GRIK2: variants seen among roughly 807,000 people sequenced by gnomAD.
GRIK2 encodes glutamate ionotropic receptor kainate type subunit 2.
Under a neutral mutation model 100.3 loss-of-function variants are expected in GRIK2, and 32 were observed. The observed-to-expected ratio is 0.32, with a 90% confidence interval of 0.24 to 0.43. The LOEUF is 0.43. Among genes scored for constraint, GRIK2 ranks in the 20% least tolerant of loss-of-function variants. GRIK2 has a pLI of 1.00. For missense variants in GRIK2, 843 were observed against 1,114.9 expected, an observed-to-expected ratio of 0.76 and a Z score of 3.47; for synonymous variants, 417 against 389.4, an observed-to-expected ratio of 1.07 and a Z score of -0.83.
chr6:101,830,410 A>G (rs978731058), intron 10 of GRIK2, among the ~76,000 whole-genome samples: 7 of 152,060 alleles, frequency 4.6e-5, no homozygotes, highest in African/African-American at 1.7e-4. Context: ...AAAACCAAAA[A>G]TTGACAAGTG....
At chr6:101,916,195 T>G (rs1789092219) in intron 12 of GRIK2, among the ~76,000 whole-genome samples, 1 of 151,522 alleles carries the variant, frequency 6.6e-6, no homozygotes. Context: ...TTTATATTAT[T>G]AGGCTTGATA....
At chr6:101,672,847 C>A (rs1450502481) in intron 4 of GRIK2, among the ~76,000 whole-genome samples, 1 of 152,158 alleles carries the variant, frequency 6.6e-6, no homozygotes, top group Non-Finnish European at 1.5e-5. Context: ...AGGTTGATTT[C>A]ACATCTTTAC....
chr6:101,795,206 A>C (rs1310900176), intron 7 of GRIK2, among the ~76,000 whole-genome samples: 2 of 152,044 alleles, frequency 1.3e-5, no homozygotes, highest in African/African-American at 4.8e-5. Flanking sequence ...TCATAAGGGA[A>C]AATTTTTCCT....
intron 7 of GRIK2, among the ~76,000 whole-genome samples, chr6:101,782,520 C>G (rs756786831): frequency 6.6e-6 from 1 of 152,200 alleles, no homozygotes; most frequent in Non-Finnish European, 1.5e-5. Flanking sequence ...ATCCATGTTG[C>G]TGCAAATGAC....
intron 7 of GRIK2, among the ~76,000 whole-genome samples, chr6:101,729,771 G>T (rs1187462664): frequency 6.6e-6 from 1 of 151,822 alleles, no homozygotes; most frequent in African/African-American, 2.4e-5. Flanking sequence ...GTTTTGATGT[G>T]ATGATATGTC....
chr6:102,037,918 T>C (rs1402277773), intron 15 of GRIK2, among the ~76,000 whole-genome samples: 1 of 151,378 alleles, frequency 6.6e-6, no homozygotes, highest in Non-Finnish European at 1.5e-5. Flanking sequence ...TTTTGAAATA[T>C]GTTTTTTCCT....
At chr6:101,522,419 C>G (rs567346779) in intron 2 of GRIK2, among the ~76,000 whole-genome samples, 2 of 152,268 alleles carry the variant, frequency 1.3e-5, no homozygotes, top group East Asian at 3.9e-4. Flanking sequence ...CTCATTCACA[C>G]AAGCCTATCG....
chr6:101,846,562 A>G (rs188909263), intron 10 of GRIK2, among the ~76,000 whole-genome samples: 1 of 152,066 alleles, frequency 6.6e-6, no homozygotes, highest in East Asian at 1.9e-4. Context: ...CTCCTGTTTT[A>G]TTATTTGGAA....
intron 4 of GRIK2, among the ~76,000 whole-genome samples, chr6:101,641,561 G>A (rs77278478): frequency 2.3e-3 from 346 of 151,838 alleles, no homozygotes; most frequent in African/African-American, 7.8e-3. Flanking sequence ...ATCATCAGAT[G>A]CCATTAGAAA....
At chr6:101,826,336 G>T (rs1228527417) in intron 10 of GRIK2, among the ~76,000 whole-genome samples, 1 of 152,036 alleles carries the variant, frequency 6.6e-6, no homozygotes, top group Non-Finnish European at 1.5e-5. Flanking sequence ...GGTTTCTTGG[G>T]AATGCATTAG....
At chr6:101,683,918 ACAAC>A (rs1771481462) in intron 6 of GRIK2, among the ~76,000 whole-genome samples, 2 of 152,144 alleles carry the variant, frequency 1.3e-5, no homozygotes. Context: ...CATTCCCATA[ACAAC>A]CAGTCTAACC....
chr6:101,833,524 T>G (rs910247797), intron 10 of GRIK2, among the ~76,000 whole-genome samples: 1 of 152,140 alleles, frequency 6.6e-6, no homozygotes, highest in Non-Finnish European at 1.5e-5. Context: ...AACAGCATTT[T>G]CTTTTATTAT....
chr6:101,725,461 C>A (rs1774794635), intron 7 of GRIK2, among the ~76,000 whole-genome samples: 1 of 151,960 alleles, frequency 6.6e-6, no homozygotes, highest in Non-Finnish European at 1.5e-5. Context: ...TAGGAAATTT[C>A]TCAGGAAACG....
At chr6:101,431,073 G>T (rs942565983) in intron 2 of GRIK2, 21 of 256,934 alleles carry the variant, frequency 8.2e-5, no homozygotes, top group Non-Finnish European at 1.4e-4. Flanking sequence ...ATGGCAGGGG[G>T]TATCCAAGGT....
intron 7 of GRIK2, among the ~76,000 whole-genome samples, chr6:101,693,728 T>C (rs1343210013): frequency 1.3e-5 from 2 of 151,840 alleles, no homozygotes; most frequent in Non-Finnish European, 2.9e-5. Flanking sequence ...TATATAAAAA[T>C]AAAAAATTAT....
At chr6:102,043,333 T>A (rs530913302) in intron 15 of GRIK2, among the ~76,000 whole-genome samples, 1 of 151,936 alleles carries the variant, frequency 6.6e-6, no homozygotes, top group Non-Finnish European at 1.5e-5. Flanking sequence ...AGTACACTGT[T>A]ACTAATTATA....
At chr6:101,616,685 T>G (rs1779908988) in intron 2 of GRIK2, among the ~76,000 whole-genome samples, 2 of 151,674 alleles carry the variant, frequency 1.3e-5, no homozygotes, top group Admixed American at 6.6e-5. Context: ...TGCTTTCAAG[T>G]GTGTGATATT....
intron 14 of GRIK2, among the ~76,000 whole-genome samples, chr6:102,000,282 T>TTTTTTTTTTTTTTTTTTTTTTTG (rs1794869109): frequency 6.6e-6 from 1 of 150,998 alleles, no homozygotes; most frequent in Non-Finnish European, 1.5e-5. Flanking sequence ...AAGGCTTTTT[T>TTTTTTTTTTTTTTTTTTTTTTTG]TTTTTTTTTT....
chr6:102,028,837 G>A (rs1426809459), intron 14 of GRIK2, among the ~76,000 whole-genome samples: 1 of 150,186 alleles, frequency 6.7e-6, no homozygotes, highest in Non-Finnish European at 1.5e-5. Context: ...TTTTTTTTAA[G>A]GCAAGGAGCT....
Sources: allele counts gnomAD v4.1 joint callset (sites outside exome capture counted in the v4.1 genomes callset), GRCh38; gene constraint gnomAD v4.1.1; transcripts MANE v1.5; gene names NCBI Gene and HGNC (gene_info 2026-07-23, HGNC 2026-07-21).